The following GPR63 variants were observed in gnomAD, a reference collection of about 807,000 sequenced individuals.
GPR63 encodes the protein probable G protein-coupled receptor 63.
Under a neutral mutation model 23.1 loss-of-function variants are expected in GPR63, and 12 were observed. The ratio of observed to expected loss-of-function variants is 0.52; its 90% CI spans 0.33 to 0.84. The LOEUF (loss-of-function observed/expected upper bound fraction) is 0.84. GPR63 is among the 40% of genes least tolerant of loss of function. The probability of loss-of-function intolerance (pLI) is 0.02; values close to 1 mark genes in which losing one functional copy is unlikely to be tolerated. For synonymous variants in GPR63, 172 were observed against 191.1 expected, an observed-to-expected ratio of 0.90 and a Z score of 0.82; for missense variants, 472 against 515.6, an observed-to-expected ratio of 0.92 and a Z score of 0.82.
intron 1 of GPR63, among the ~76,000 whole-genome samples, chr6:96,813,707 T>C (rs1229342663): frequency 3.3e-5 from 5 of 152,224 alleles, no homozygotes; most frequent in Non-Finnish European, 7.3e-5. Flanking sequence ...GTCTAGATTA[T>C]CTAACGCTGA....
chr6:96,821,658 TG>T (rs1774315917), intron 1 of GPR63, among the ~76,000 whole-genome samples: 1 of 152,240 alleles, frequency 6.6e-6, no homozygotes, highest in South Asian at 2.1e-4. Context: ...TAACACTTTT[TG>T]TTGCTGACTG....
chr6:96,832,361 C>A (rs1774607191), intron 1 of GPR63, among the ~76,000 whole-genome samples: 1 of 151,972 alleles, frequency 6.6e-6, no homozygotes, highest in African/African-American at 2.4e-5. Context: ...ACCTCCAGGG[C>A]TCAAGCAATC....
At chr6:96,807,543 A>C (rs950613061) in intron 1 of GPR63, among the ~76,000 whole-genome samples, 7 of 152,350 alleles carry the variant, frequency 4.6e-5, no homozygotes, top group Admixed American at 4.6e-4. Flanking sequence ...CAATATGTTT[A>C]GTATCCTGTG....
At chr6:96,830,491 C>A (rs905956708) in intron 1 of GPR63, among the ~76,000 whole-genome samples, 7 of 152,124 alleles carry the variant, frequency 4.6e-5, no homozygotes, top group South Asian at 4.1e-4. Context: ...AGCACTTATC[C>A]AAGTGCTAAA....
In GPR63 at chr6:96,798,507, C is replaced by T; in HGVS notation, c.1225G>A (p.Val409Ile). The T allele has an allele frequency of 6.2e-7, 1 of 1,614,148 alleles. No individual in the cohort carries two copies. Among genetic ancestry groups the T allele is most frequent in the Non-Finnish European group, 8.5e-7 (1 of 1,180,006 alleles). The change falls in exon 2 of 2, where the codon GTC (valine) becomes ATC (isoleucine). Residue 409 changes from valine (V) to isoleucine (I), a missense_variant. Transcript: ENST00000229955. The part of the protein sequence containing the change: ...HTKRRIRPSA[V>I]YVCGEHRTVV The stretch of plus-strand genomic sequence containing the variant: ...GTCCGATGTTCCCCACACACATAGA[C>T]AGCACTAGGACGTATCCGTCGCTTT...
rs1186241458 is a variant in GPR63, at chr6:96,795,892, C to T, written c.*2580G>A. 1 of 152,170 alleles carries T rather than the reference C, an allele frequency of 6.6e-6. No homozygotes were observed. The highest frequency in any genetic ancestry group is 1.5e-5 in the Non-Finnish European group (1 of 68,038). 9.4% of individuals were successfully genotyped at this position (152,170 alleles called of 1,614,324 possible). A position where few individuals can be genotyped will look rare whatever the true frequency, so the allele number is the denominator to read the frequency against. ...CACTTCAAAATGCTACTAGTATCTA[C>T]TACAGTGCTTATGTCCTATAAAATC... is the stretch of plus-strand genomic sequence containing the variant. On this transcript the variant is annotated 3_prime_UTR_variant, in exon 2 of 2. Transcript: ENST00000229955.
chr6:96,833,361 T>C (rs933017886), intron 1 of GPR63, among the ~76,000 whole-genome samples: 4 of 152,210 alleles, frequency 2.6e-5, no homozygotes, highest in African/African-American at 9.6e-5. Flanking sequence ...CTCAAATAAT[T>C]TTCAGTTGAA....
chr6:96,798,254 T>C lies in GPR63; in HGVS notation c.*218A>G, dbSNP rs1773643723. ...CAAAAAAAAGTCTCCTCACCCTAAA[T>C]TGAGGATTTCTATTGAACCCTGGAG... On this transcript the variant is annotated 3_prime_UTR_variant, in exon 2 of 2. Coordinates refer to ENST00000229955, the MANE Select transcript of GPR63 (RefSeq NM_030784.4). The C allele has an allele frequency of 1.6e-5, 8 of 503,332 alleles. No individual in the cohort carries two copies. The Admixed American group carries it at 2.6e-4, about 17-fold the overall frequency. 31.2% of individuals were successfully genotyped at this position (503,332 alleles called of 1,614,324 possible).
chr6:96,835,056 C>T (rs1351772080), intron 1 of GPR63, among the ~76,000 whole-genome samples: 1 of 152,120 alleles, frequency 6.6e-6, no homozygotes, highest in Admixed American at 6.5e-5. Context: ...TTAAGAAATG[C>T]CTGGTTCAAT....
intron 1 of GPR63, among the ~76,000 whole-genome samples, chr6:96,811,837 A>AAAAT (rs199649144): frequency 1.4e-3 from 201 of 142,080 alleles, no homozygotes; most frequent in Middle Eastern, 3.6e-3. Context: ...TATTTCATTA[A>AAAAT]AAATAAATAA....
chr6:96,818,768 A>C (rs1462153085), intron 1 of GPR63, among the ~76,000 whole-genome samples: 1 of 152,228 alleles, frequency 6.6e-6, no homozygotes, highest in Non-Finnish European at 1.5e-5. Flanking sequence ...AAATTTTTGC[A>C]ATCTACCCAT....
chr6:96,814,491 A>AAG (rs1319635137), intron 1 of GPR63, among the ~76,000 whole-genome samples: 2 of 152,304 alleles, frequency 1.3e-5, no homozygotes, highest in Non-Finnish European at 2.9e-5. Context: ...CCCCATTTTC[A>AAG]AGAGAATTAA....
At chr6:96,828,561 G>GT (rs758877781) in intron 1 of GPR63, among the ~76,000 whole-genome samples, 3 of 73,530 alleles carry the variant, frequency 4.1e-5, no homozygotes, top group Non-Finnish European at 8.3e-5. Flanking sequence ...AATAAAAACA[G>GT]TAAAAAAAAA....
intron 1 of GPR63, among the ~76,000 whole-genome samples, chr6:96,835,231 T>A (rs1294305357): frequency 6.6e-6 from 1 of 152,122 alleles, no homozygotes; most frequent in Non-Finnish European, 1.5e-5. Flanking sequence ...GCCCTAGCAA[T>A]AACTATTTTT....
At chr6:96,824,652 A>G (rs377333039) in intron 1 of GPR63, among the ~76,000 whole-genome samples, 6 of 2,728 alleles carry the variant, frequency 2.2e-3, no homozygotes, top group Admixed American at 4.6e-3. Context: ...AAAAAAATGA[A>G]AAAAAAAAAA....
Position 96,802,862 on chromosome 6 carries a change from A to C in GPR63, c.-150-2981T>G, listed in dbSNP as rs568407920. ...ATTTATTCTCAATACTTCCAGGGAAATATGCTTTGAAGAAACTGAAACAAT... is the reference window on the plus strand; with the variant it reads ...ATTTATTCTCAATACTTCCAGGGAACTATGCTTTGAAGAAACTGAAACAAT... On this transcript the variant is annotated intron_variant, in intron 1 of 1. Transcript: ENST00000229955. Among the ~76,000 whole-genome samples the C allele has an allele frequency of 2.0e-5, 3 of 152,254 alleles. No individual in the cohort carries two copies. The South Asian group carries it at 6.2e-4, about 32-fold the overall frequency.
At position 96,795,189 on chromosome 6, in the gene GPR63, T is replaced by C. The variant is rs1420443769; in HGVS notation, c.*3283A>G. On this transcript the variant is annotated 3_prime_UTR_variant, in exon 2 of 2. Coordinates refer to ENST00000229955, the MANE Select transcript of GPR63 (RefSeq NM_030784.4). ...CCCTTGGGGATGCTTAAACATGTAT[T>C]AAAGTTTAAATAATGTTACTCCATA... 5 of 152,204 alleles carry C rather than the reference T, an allele frequency of 3.3e-5. No homozygotes were observed. The highest frequency in any genetic ancestry group is 7.3e-5 in the Non-Finnish European group (5 of 68,038). The allele number at this position is 152,204 out of a possible 1,614,324, so 9.4% of individuals were successfully genotyped here.
At position 96,827,029 on chromosome 6, in the gene GPR63, G is replaced by C. The variant is rs76966785; in HGVS notation, c.-151+10239C>G. ...TGAAATAATTACCACAAAGTTCCAAGGCAAGTGAACACAGTCTAAAAAAAA... is the reference window on the plus strand; with the variant it reads ...TGAAATAATTACCACAAAGTTCCAACGCAAGTGAACACAGTCTAAAAAAAA... On this transcript the variant is annotated intron_variant, in intron 1 of 1. Coordinates refer to ENST00000229955, the MANE Select transcript of GPR63 (RefSeq NM_030784.4). Among the ~76,000 whole-genome samples the C allele has an allele frequency of 1.8e-3, 256 of 144,720 alleles. 1 individual carries two copies. The highest frequency in any genetic ancestry group is 6.1e-3 in the African/African-American group (238 of 38,976). The allele number at this position is 144,720 out of a possible 152,430, so 94.9% of individuals were successfully genotyped here.
chr6:96,813,818 T>A (rs184370620), intron 1 of GPR63, among the ~76,000 whole-genome samples: 41 of 152,280 alleles, frequency 2.7e-4, no homozygotes, highest in Middle Eastern at 3.4e-3. Context: ...CTCTGAGCAG[T>A]GGCTATGATT....
Sources: allele counts gnomAD v4.1 joint callset (sites outside exome capture counted in the v4.1 genomes callset), GRCh38; gene constraint gnomAD v4.1.1; transcripts MANE v1.5; gene names NCBI Gene and HGNC (gene_info 2026-07-23, HGNC 2026-07-21).